The following KALRN variants were observed in gnomAD, a reference collection of about 807,000 sequenced individuals.
KALRN encodes kalirin.
Under a neutral mutation model 353.7 loss-of-function variants are expected in KALRN, and 70 were observed. The ratio of observed to expected loss-of-function variants is 0.20; its 90% CI spans 0.16 to 0.24. KALRN has a LOEUF of 0.24. KALRN is among the 10% of genes least tolerant of loss of function. The pLI is 1.00. For missense variants in KALRN, 2,791 were observed against 3,756.7 expected (o/e 0.74, Z 6.72); for synonymous variants, 1,391 against 1,434.8 (o/e 0.97, Z 0.69).
At chr3:124,486,340 T>C (rs1406272196) in intron 28 of KALRN, among the ~76,000 whole-genome samples, 2 of 152,304 alleles carry the variant, frequency 1.3e-5, no homozygotes, top group African/African-American at 2.4e-5. Context: ...AGGATTTTCT[T>C]TGATGATATA....
At chr3:124,599,320 C>A (rs2076574162) in intron 34 of KALRN, among the ~76,000 whole-genome samples, 1 of 152,196 alleles carries the variant, frequency 6.6e-6, no homozygotes, top group Non-Finnish European at 1.5e-5. Context: ...TCCTGCCGTT[C>A]TTTGGTCTAT....
At chr3:124,417,508 G>A (rs1174035153) in intron 14 of KALRN, among the ~76,000 whole-genome samples, 2 of 152,170 alleles carry the variant, frequency 1.3e-5, no homozygotes, top group South Asian at 2.1e-4. Flanking sequence ...TTTATACAAG[G>A]TTTGTAAATG....
At chr3:124,310,334 C>T (rs1459279361) in intron 6 of KALRN, among the ~76,000 whole-genome samples, 1 of 152,154 alleles carries the variant, frequency 6.6e-6, no homozygotes, top group Non-Finnish European at 1.5e-5. Flanking sequence ...GATGGCAATA[C>T]TCCTCAAATC....
At chr3:124,423,027 C>A (rs1175017240) in intron 15 of KALRN, 49 bp downstream of exon 15, 1 of 1,591,222 alleles carries the variant, frequency 6.3e-7, no homozygotes, top group Admixed American at 1.7e-5. Flanking sequence ...GCCAGCTGAG[C>A]CTGACCTGGG....
At chr3:124,112,832 G>A (rs920648803) in intron 1 of KALRN, among the ~76,000 whole-genome samples, 1 of 152,070 alleles carries the variant, frequency 6.6e-6, no homozygotes, top group African/African-American at 2.4e-5. Flanking sequence ...GTACAGCTGG[G>A]TTTTGGGGGA....
intron 34 of KALRN, among the ~76,000 whole-genome samples, chr3:124,594,717 A>C (rs537033700): frequency 6.6e-6 from 1 of 152,310 alleles, no homozygotes; most frequent in Admixed American, 6.5e-5. Flanking sequence ...GGACTGACAT[A>C]TCTCCAGTCC....
chr3:124,151,848 G>A (rs1451314974), intron 1 of KALRN: 1 of 428,886 alleles, frequency 2.3e-6, no homozygotes, highest in Non-Finnish European at 4.2e-6. Flanking sequence ...ATTTGGAAAT[G>A]CTTTTAGTGT....
At chr3:124,333,513 G>A (rs1018024688) in intron 8 of KALRN, among the ~76,000 whole-genome samples, 49 of 152,180 alleles carry the variant, frequency 3.2e-4, no homozygotes, top group African/African-American at 1.1e-3. Flanking sequence ...AGAAAGAGGA[G>A]GAGAGGATTA....
chr3:124,060,096 G>T (rs560213977), intron 1 of KALRN, among the ~76,000 whole-genome samples: 17 of 152,302 alleles, frequency 1.1e-4, no homozygotes, highest in Admixed American at 3.3e-4. Context: ...ATTCTCAAGG[G>T]ACTCTTTCTC....
chr3:124,242,474 G>A (rs1236978783), intron 3 of KALRN, among the ~76,000 whole-genome samples: 1 of 152,216 alleles, frequency 6.6e-6, no homozygotes, highest in African/African-American at 2.4e-5. Flanking sequence ...CAAAGTGAAG[G>A]AAGTGGCAGT....
chr3:124,544,399 A>G (rs1040464504), intron 33 of KALRN, among the ~76,000 whole-genome samples: 1 of 152,178 alleles, frequency 6.6e-6, no homozygotes, highest in Non-Finnish European at 1.5e-5. Flanking sequence ...TGTCTCTACT[A>G]AAAATACAAA....
At chr3:124,164,946 G>A (rs1450224627) in intron 1 of KALRN, among the ~76,000 whole-genome samples, 1 of 151,954 alleles carries the variant, frequency 6.6e-6, no homozygotes, top group Admixed American at 6.6e-5. Context: ...TACCCCTCTG[G>A]GCCTCTCCTT....
intron 28 of KALRN, among the ~76,000 whole-genome samples, chr3:124,483,977 T>A (rs868624804): frequency 7.9e-5 from 12 of 152,312 alleles, no homozygotes; most frequent in Middle Eastern, 6.8e-3. Flanking sequence ...AGTTTAGGGG[T>A]AGAGTTTTCC....
At chr3:124,462,046 G>A (rs1196155084) in intron 24 of KALRN, 90 bp downstream of exon 24, 1 of 915,644 alleles carries the variant, frequency 1.1e-6, no homozygotes, top group Non-Finnish European at 1.8e-6. Flanking sequence ...GGTGCTATTG[G>A]TCTTCTCCCA....
intron 1 of KALRN, among the ~76,000 whole-genome samples, chr3:124,070,574 A>C (rs1266146971): frequency 2.0e-5 from 3 of 152,194 alleles, no homozygotes; most frequent in Non-Finnish European, 4.4e-5. Flanking sequence ...TTGTCATCAC[A>C]AACCCACTTT....
intron 3 of KALRN, among the ~76,000 whole-genome samples, chr3:124,238,555 A>T (rs962605489): frequency 2.0e-5 from 3 of 152,186 alleles, no homozygotes; most frequent in Non-Finnish European, 4.4e-5. Context: ...ACAATGCATC[A>T]TAAAATCCAG....
intron 1 of KALRN, among the ~76,000 whole-genome samples, chr3:124,144,694 G>C (rs1409046634): frequency 1.3e-5 from 2 of 149,682 alleles, no homozygotes; most frequent in African/African-American, 4.9e-5. Context: ...TCCTCCTTCT[G>C]GTTGCCATTT....
At chr3:124,504,646 C>G in intron 33 of KALRN, 2 of 348,378 alleles carry the variant, frequency 5.7e-6, no homozygotes, top group Non-Finnish European at 5.8e-6. Context: ...GTACTCGTGA[C>G]TCACATCATA....
At chr3:124,282,699 T>C (rs1370496143) in intron 5 of KALRN, among the ~76,000 whole-genome samples, 1 of 152,142 alleles carries the variant, frequency 6.6e-6, no homozygotes, top group Admixed American at 6.5e-5. Context: ...TTAGGGACAA[T>C]GGATGCTATC....
Sources: gnomAD v4.1 joint callset for allele counts (sites outside exome capture counted in the v4.1 genomes callset) on GRCh38, gnomAD v4.1.1 for gene constraint, MANE v1.5 for transcripts, NCBI Gene and HGNC (gene_info 2026-07-23, HGNC 2026-07-21) for gene names.